ZFC3H1: variants seen among roughly 807,000 people sequenced by gnomAD.
ZFC3H1 encodes the protein zinc finger C3H1 domain-containing protein.
In ZFC3H1, 71 loss-of-function variants were observed where a neutral mutation model predicts 243.7. The ratio of observed to expected loss-of-function variants is 0.29; its 90% CI spans 0.24 to 0.36. ZFC3H1 has a LOEUF of 0.36. Among genes scored for constraint, ZFC3H1 ranks in the 10% least tolerant of loss-of-function variants. The pLI, the probability that ZFC3H1 is intolerant of heterozygous loss-of-function variation, is 1.00. For missense variants in ZFC3H1, 1,966 were observed against 2,317.1 expected (o/e 0.85, Z 3.11); for synonymous variants, 838 against 813.0 (o/e 1.03, Z -0.52).
rs1404150142 is a variant in ZFC3H1 at position 71,610,013 on chromosome 12, T to A, written c.*415A>T. 1 of 153,344 alleles carries A rather than the reference T, an allele frequency of 6.5e-6. No individual in the cohort carries two copies. The highest frequency in any genetic ancestry group is 6.5e-5 in the Admixed American group (1 of 15,284). 9.5% of individuals were successfully genotyped at this position (153,344 alleles called of 1,614,324 possible). ...ACTAAAAGGGACTGCCTGCTTTTTTTACTGTAAACACAGCCCTGGATATTA... is the reference window on the plus strand; with the variant it reads ...ACTAAAAGGGACTGCCTGCTTTTTTAACTGTAAACACAGCCCTGGATATTA... On this transcript the variant is annotated 3_prime_UTR_variant, in exon 35 of 35. Coordinates refer to ENST00000378743, the MANE Select transcript of ZFC3H1 (RefSeq NM_144982.5).
intron 1 of ZFC3H1, among the ~76,000 whole-genome samples, chr12:71,659,756 T>C (rs1274258616): frequency 6.6e-6 from 1 of 152,178 alleles, no homozygotes; most frequent in Non-Finnish European, 1.5e-5. Flanking sequence ...CAGATTTAAT[T>C]TTAAGCTTGT....
At chr12:71,646,989 G>A (rs1338005860) in intron 3 of ZFC3H1, among the ~76,000 whole-genome samples, 2 of 152,074 alleles carry the variant, frequency 1.3e-5, no homozygotes, top group Non-Finnish European at 2.9e-5. Context: ...TCTACAAAAT[G>A]TATATAATGT....
intron 2 of ZFC3H1, among the ~76,000 whole-genome samples, chr12:71,653,191 G>T (rs1412797521): frequency 6.6e-6 from 1 of 152,076 alleles, no homozygotes; most frequent in African/African-American, 2.4e-5. Context: ...TGGAAAGAAT[G>T]ATCAAAGTGA....
intron 12 of ZFC3H1, among the ~76,000 whole-genome samples, chr12:71,633,940 G>C (rs1165050851): frequency 6.6e-6 from 1 of 152,174 alleles, no homozygotes; most frequent in African/African-American, 2.4e-5. Flanking sequence ...TTATAGGCGT[G>C]AGCCACCGCG....
intron 1 of ZFC3H1, among the ~76,000 whole-genome samples, chr12:71,662,535 C>G (rs1344397896): frequency 7.6e-6 from 1 of 131,188 alleles, no homozygotes; most frequent in Admixed American, 8.1e-5. Context: ...CGGAATAAAT[C>G]AAGATAAAAA....
chr12:71,629,762 G>T, intron 18 of ZFC3H1, 52 bp from the exon 19 acceptor site: 2 of 1,163,690 alleles, frequency 1.7e-6, no homozygotes, highest in South Asian at 1.2e-5. Flanking sequence ...ACAGAGACTA[G>T]GATAATTAAA....
Position 71,642,569 on chromosome 12 carries a change from C to T in ZFC3H1, c.1504-10G>A. 2 of 1,593,214 alleles carry T rather than the reference C, an allele frequency of 1.3e-6. No individual in the cohort carries two copies. The highest frequency in any genetic ancestry group is 1.7e-6 in the Non-Finnish European group (2 of 1,171,942). ...GGTCAGGATCTGAAGACTAAGTATA[C>T]AACACTTTTTTAGTTTCAAAGCATT... On this transcript the variant is annotated splice_polypyrimidine_tract_variant and intron_variant, in intron 5 of 34. Transcript: ENST00000378743.
In ZFC3H1 at chr12:71,629,057, A is replaced by G. The variant is rs1880245502; in HGVS notation, c.3827-20T>C. 1 of 1,570,904 alleles carries G rather than the reference A, an allele frequency of 6.4e-7. No homozygotes were observed. The highest frequency in any genetic ancestry group is 8.6e-7 in the Non-Finnish European group (1 of 1,163,570). On this transcript the variant is annotated intron_variant, in intron 19 of 34. Coordinates refer to ENST00000378743, the MANE Select transcript of ZFC3H1 (RefSeq NM_144982.5). ...GAGGAGCTAAAGTAGATAGGAGAAG[A>G]TTGTTAATTGATATAACTAGTTTTT...
At chr12:71,635,131 T>C (rs1223031291) in intron 10 of ZFC3H1, among the ~76,000 whole-genome samples, 1 of 152,172 alleles carries the variant, frequency 6.6e-6, no homozygotes, top group Non-Finnish European at 1.5e-5. Flanking sequence ...AAAACTGTTT[T>C]CTGGTAACAC....
intron 20 of ZFC3H1, 21 bp downstream of exon 20, chr12:71,628,897 T>C: frequency 2.5e-6 from 4 of 1,573,056 alleles, no homozygotes; most frequent in Admixed American, 1.9e-5. Flanking sequence ...ATTCTGGATC[T>C]TAAATTACAT....
chr12:71,631,709 T>C lies in ZFC3H1; in HGVS notation c.3470+69A>G, dbSNP rs1024139188. Reference sequence around the variant, plus strand: ...ATTGCTTTTTCATTATCATCAAATATTCAAGATAAAATATTAAAAACCAAA... The same window carrying C: ...ATTGCTTTTTCATTATCATCAAATACTCAAGATAAAATATTAAAAACCAAA... On this transcript the variant is annotated intron_variant, in intron 16 of 34. Coordinates refer to ENST00000378743, the MANE Select transcript of ZFC3H1 (RefSeq NM_144982.5). 6.9e-6 allele frequency: 9 copies of C among 1,304,502 alleles called. No individual in the cohort carries two copies. In the Admixed American group the frequency reaches 1.6e-4, roughly 24 times the overall value. 80.8% of individuals were successfully genotyped at this position (1,304,502 alleles called of 1,614,324 possible).
intron 32 of ZFC3H1, 70 bp downstream of exon 32, chr12:71,611,716 T>C (rs1038002073): frequency 1.6e-6 from 1 of 642,674 alleles, no homozygotes; most frequent in Non-Finnish European, 2.5e-6. Context: ...ATTTCAGATT[T>C]ACCTGTCTGG....
In ZFC3H1 at chr12:71,637,063, T is replaced by C; in HGVS notation, c.1726-4A>G. The C allele has an allele frequency of 6.3e-7, 1 of 1,598,302 alleles. No homozygotes were observed. The highest frequency in any genetic ancestry group is 8.5e-7 in the Non-Finnish European group (1 of 1,175,434). ...GCTGGCTCAAAGGTGGCAGAGACTA[T>C]TTTTTAAAAAAAGAAAGAATTACAA... is the stretch of plus-strand genomic sequence containing the variant. On this transcript the variant is annotated splice_region_variant and splice_polypyrimidine_tract_variant and intron_variant, in intron 7 of 34. Coordinates refer to ENST00000378743, the MANE Select transcript of ZFC3H1 (RefSeq NM_144982.5).
At chr12:71,641,738 G>A (rs1880607085) in intron 6 of ZFC3H1, among the ~76,000 whole-genome samples, 1 of 152,218 alleles carries the variant, frequency 6.6e-6, no homozygotes, top group South Asian at 2.1e-4. Context: ...AAAGAGACAG[G>A]AAGCCAAATA....
intron 6 of ZFC3H1, 55 bp downstream of exon 6, chr12:71,642,381 C>T: frequency 6.5e-7 from 1 of 1,549,722 alleles, no homozygotes; most frequent in Admixed American, 1.9e-5. Flanking sequence ...ACCATAATGA[C>T]TATTCTCTAT....
chr12:71,630,579 G>C (rs748641837), intron 18 of ZFC3H1, 21 bp downstream of exon 18: 1 of 1,594,046 alleles, frequency 6.3e-7, no homozygotes, highest in South Asian at 1.2e-5. Flanking sequence ...ATTTGGGAGA[G>C]AATAGGAAGT....
intron 20 of ZFC3H1, among the ~76,000 whole-genome samples, chr12:71,628,318 G>A (rs1880223385): frequency 6.6e-6 from 1 of 152,150 alleles, no homozygotes; most frequent in Non-Finnish European, 1.5e-5. Flanking sequence ...AATTTATAAA[G>A]ATTATTCTAC....
At chr12:71,610,930 C>A in intron 33 of ZFC3H1, 128 bp downstream of exon 33, 1 of 1,460,602 alleles carries the variant, frequency 6.8e-7, no homozygotes, top group Admixed American at 2.2e-5. Context: ...ACTTTTGTTT[C>A]CCCACTTGGT....
At chr12:71,639,498 T>A (rs1351272204) in intron 6 of ZFC3H1, 1 of 190,520 alleles carries the variant, frequency 5.2e-6, no homozygotes, top group Non-Finnish European at 1.1e-5. Context: ...GGTGCTATTG[T>A]TTTATGGACT....
Sources: gnomAD v4.1 joint callset for allele counts (sites outside exome capture counted in the v4.1 genomes callset) on GRCh38, gnomAD v4.1.1 for gene constraint, MANE v1.5 for transcripts, NCBI Gene and HGNC (gene_info 2026-07-23, HGNC 2026-07-21) for gene names.